LPIN1: variants seen among roughly 807,000 people sequenced by gnomAD.
The protein encoded by LPIN1 is phosphatidate phosphatase LPIN1.
In LPIN1, 71 loss-of-function variants were observed where a neutral mutation model predicts 107.5. The ratio of observed to expected loss-of-function variants is 0.66; its 90% CI spans 0.55 to 0.80. The LOEUF is 0.80. Among genes scored for constraint, LPIN1 ranks in the 30% least tolerant of loss-of-function variants. The pLI is 0.00. For missense variants in LPIN1, 1,043 were observed against 1,160.6 expected (o/e 0.90, Z 1.47); for synonymous variants, 445 against 452.6 (o/e 0.98, Z 0.21).
At chr2:11,696,723 G>A (rs986524913) in intron 1 of LPIN1, among the ~76,000 whole-genome samples, 4 of 152,186 alleles carry the variant, frequency 2.6e-5, no homozygotes, top group Admixed American at 2.6e-4. Flanking sequence ...GCACGCTTCC[G>A]GCTTTCAGGC....
intron 1 of LPIN1, among the ~76,000 whole-genome samples, chr2:11,696,720 T>C (rs1323999972): frequency 6.6e-6 from 1 of 152,194 alleles, no homozygotes; most frequent in African/African-American, 2.4e-5. Flanking sequence ...TGGGCACGCT[T>C]CCGGCTTTCA....
intron 6 of LPIN1, among the ~76,000 whole-genome samples, chr2:11,779,094 G>T (rs1421198833): frequency 1.3e-5 from 2 of 152,214 alleles, no homozygotes; most frequent in African/African-American, 4.8e-5. Flanking sequence ...ATGAGTGCCT[G>T]CCCGAGCCAA....
chr2:11,749,021 T>G (rs778143503), intron 1 of LPIN1, among the ~76,000 whole-genome samples: 7 of 152,144 alleles, frequency 4.6e-5, no homozygotes, highest in Non-Finnish European at 7.3e-5. Flanking sequence ...ACTAGCAGCT[T>G]TGGGGCTTGT....
At chr2:11,781,173 A>G (rs920646003) in intron 7 of LPIN1, among the ~76,000 whole-genome samples, 4 of 152,230 alleles carry the variant, frequency 2.6e-5, no homozygotes, top group African/African-American at 9.6e-5. Flanking sequence ...TAAAGAGTCA[A>G]GATGGGCAGC....
At chr2:11,727,217 C>G (rs143542196) in intron 1 of LPIN1, among the ~76,000 whole-genome samples, 2 of 152,294 alleles carry the variant, frequency 1.3e-5, no homozygotes, top group South Asian at 2.1e-4. Context: ...CTGTTTCCCT[C>G]TTTCTTTCTA....
At chr2:11,744,505 T>C (rs537986180), upstream of LPIN1, among the ~76,000 whole-genome samples, 1 of 152,364 alleles carries the variant, frequency 6.6e-6, no homozygotes, top group South Asian at 2.1e-4. Context: ...TAATTTGCTC[T>C]GAATCCAGCC....
rs75180611 is a variant in LPIN1, at chr2:11,700,436, T to C, written c.82-13320T>C. On this transcript the variant is annotated intron_variant, in intron 1 of 21. Coordinates refer to the LPIN1 transcript ENST00000449576. ...TGTCTCATCCTGACCTCTGGTCCAT[T>C]GCACTATTTCTCATTTTCTCTCTCT... 2.2e-3 allele frequency among the ~76,000 whole-genome samples: 342 copies of C among 152,214 alleles called. 3 individuals are homozygous for C. The East Asian group carries it at 0.033, about 15-fold the overall frequency.
chr2:11,744,414 C>A (rs1428695121), upstream of LPIN1, among the ~76,000 whole-genome samples: 1 of 152,190 alleles, frequency 6.6e-6, no homozygotes, highest in Non-Finnish European at 1.5e-5. Context: ...TGAGTGTTTT[C>A]TTCTCATTGC....
intron 20 of LPIN1, 32 bp from the exon 21 acceptor site, chr2:11,824,600 C>G (rs1400810954): frequency 6.2e-7 from 1 of 1,613,382 alleles, no homozygotes; most frequent in Admixed American, 1.7e-5. Flanking sequence ...TGGTATCGCT[C>G]AGTGCCAGTG....
At chr2:11,777,110 C>A (rs1382139750) in intron 6 of LPIN1, 1 of 152,160 alleles carries the variant, frequency 6.6e-6, no homozygotes, top group East Asian at 1.9e-4. Flanking sequence ...CTTTTTTGAA[C>A]AACCCTTGAT....
At chr2:11,789,644 A>G (rs1347936329) in intron 12 of LPIN1, among the ~76,000 whole-genome samples, 2 of 152,128 alleles carry the variant, frequency 1.3e-5, no homozygotes, top group Non-Finnish European at 2.9e-5. Flanking sequence ...TTATCTGATT[A>G]TCTTTGTGGA....
intron 6 of LPIN1, among the ~76,000 whole-genome samples, chr2:11,776,976 G>A (rs1250319483): frequency 6.6e-6 from 1 of 152,186 alleles, no homozygotes; most frequent in Non-Finnish European, 1.5e-5. Context: ...TTAAAATGAG[G>A]AAAACAAAGT....
intron 4 of LPIN1, among the ~76,000 whole-genome samples, chr2:11,772,969 T>C (rs1672100604): frequency 6.6e-6 from 1 of 152,204 alleles, no homozygotes; most frequent in African/African-American, 2.4e-5. Flanking sequence ...ACCAGCGTCA[T>C]TGGGCTTCTT....
chr2:11,711,326 C>T lies in LPIN1; in HGVS notation c.82-2430C>T, dbSNP rs564942653. On this transcript the variant is annotated intron_variant, in intron 1 of 21. Coordinates refer to the LPIN1 transcript ENST00000449576. The stretch of plus-strand genomic sequence containing the variant: ...TCCAAGAAGTGTTTCAAATGCATTG[C>T]TCAGTTGAAATGAGGACTTCATTAG... Among the ~76,000 whole-genome samples the T allele has an allele frequency of 5.3e-5, 8 of 152,294 alleles. No homozygotes were observed. In the South Asian group the frequency reaches 1.5e-3, roughly 28 times the overall value.
chr2:11,700,587 G>T (rs1042964707), intron 1 of LPIN1, among the ~76,000 whole-genome samples: 2 of 152,112 alleles, frequency 1.3e-5, no homozygotes, highest in Non-Finnish European at 2.9e-5. Flanking sequence ...CTCTCTGGAG[G>T]CAGTATCACA....
chr2:11,754,465 C>T (rs756859170), intron 1 of LPIN1, among the ~76,000 whole-genome samples: 1 of 152,170 alleles, frequency 6.6e-6, no homozygotes, highest in Non-Finnish European at 1.5e-5. Context: ...GGTGTTTCGG[C>T]CTTTCTAAGT....
chr2:11,691,547 C>T (rs1017882453), intron 1 of LPIN1, among the ~76,000 whole-genome samples: 10 of 152,170 alleles, frequency 6.6e-5, no homozygotes, highest in Non-Finnish European at 5.9e-5. Context: ...GGCTTCAGCT[C>T]CATTCACCAT....
chr2:11,678,158 C>A (rs1661527328), intron 1 of LPIN1, among the ~76,000 whole-genome samples: 1 of 152,182 alleles, frequency 6.6e-6, no homozygotes, highest in South Asian at 2.1e-4. Context: ...GTCATTTAAC[C>A]AGTGCTGTCT....
chr2:11,710,011 G>C (rs72773952), intron 1 of LPIN1, among the ~76,000 whole-genome samples: 3,783 of 152,324 alleles, frequency 0.025, 51 homozygotes, highest in South Asian at 0.039. Context: ...TAATGAGGCT[G>C]TGATGGGAAT....
Sources: gnomAD v4.1 joint callset for allele counts (sites outside exome capture counted in the v4.1 genomes callset) on GRCh38, gnomAD v4.1.1 for gene constraint, MANE v1.5 for transcripts, NCBI Gene and HGNC (gene_info 2026-07-23, HGNC 2026-07-21) for gene names.